ZFHX3: variants seen among roughly 807,000 people sequenced by gnomAD.
The protein encoded by ZFHX3 is zinc finger homeobox 3.
In ZFHX3, 42 loss-of-function variants were observed where a neutral mutation model predicts 279.1. The observed-to-expected ratio is 0.15, with a 90% CI of 0.12 to 0.19. The LOEUF (loss-of-function observed/expected upper bound fraction) is 0.19, where lower values mean the gene tolerates loss of function less well. Ranked by LOEUF, ZFHX3 falls within the 10% of genes least tolerant of loss-of-function variation. The probability of loss-of-function intolerance (pLI) is 1.00; values close to 1 mark genes in which losing one functional copy is unlikely to be tolerated. For missense variants in ZFHX3, 4,981 were observed against 4,754.0 expected (o/e 1.05, Z -1.40); for synonymous variants, 2,293 against 1,957.8 (o/e 1.17, Z -4.52).
At chr16:72,914,720 G>A (rs547106398) in intron 3 of ZFHX3, among the ~76,000 whole-genome samples, 2 of 152,184 alleles carry the variant, frequency 1.3e-5, no homozygotes, top group East Asian at 3.9e-4. Flanking sequence ...GGCTGGGTGC[G>A]GTGGCTCATG....
Position 72,957,438 on chromosome 16 carries a change from G to C in ZFHX3, c.2708C>G (p.Thr903Arg). The C allele has an allele frequency of 6.2e-7, 1 of 1,609,574 alleles. No individual in the cohort carries two copies. The highest frequency in any genetic ancestry group is 8.5e-7 in the Non-Finnish European group (1 of 1,177,476). ...GTAGTCATCCTCACCTAGAGCAGGC[G>C]TCATGGCGGCCATGGGCCCGGCGGG... ...LDPAGPMAAM[T>R]PALVGGEIPL... The change falls in exon 2 of 10, where the codon ACG becomes AGG. Residue 903 changes from threonine to arginine, a missense_variant. This residue lies in a region of ZFHX3 where 1,751 missense variants were observed against 1,770.0 expected (regional missense o/e 0.99). Coordinates refer to ENST00000268489, the MANE Select transcript of ZFHX3 (RefSeq NM_006885.4).
chr16:73,781,077 G>A (rs1959453536), intron 1 of ZFHX3, among the ~76,000 whole-genome samples: 1 of 152,160 alleles, frequency 6.6e-6, no homozygotes, highest in African/African-American at 2.4e-5. Context: ...CCATTTGCTT[G>A]GGAAGATGAG....
At position 73,298,320 on chromosome 16, in the gene ZFHX3, G is replaced by C. The variant is rs533437515; in HGVS notation, c.-1194+19920C>G. The stretch of plus-strand genomic sequence containing the variant: ...CTGCCTCAGCCTCCCGAGTAGCTGG[G>C]ATTACAGGTATGTGCCACCATGCCC... On this transcript the variant is annotated intron_variant, in intron 4 of 17. Transcript: ENST00000641206. 1.2e-3 allele frequency among the ~76,000 whole-genome samples: 180 copies of C among 151,868 alleles called. 1 individual carries two copies. Among genetic ancestry groups the C allele is most frequent in the Admixed American group, 3.6e-3 (55 of 15,258 alleles).
chr16:73,135,312 A>G (rs1723706985), intron 6 of ZFHX3, among the ~76,000 whole-genome samples: 1 of 152,210 alleles, frequency 6.6e-6, no homozygotes, highest in Non-Finnish European at 1.5e-5. Flanking sequence ...CACCAGCTCA[A>G]TATGTACAAA....
In ZFHX3 at chr16:72,879,672, C is replaced by A. The variant is rs963017006; in HGVS notation, c.3448+10059G>T. Among the ~76,000 whole-genome samples the A allele has an allele frequency of 2.0e-5, 3 of 152,158 alleles. No homozygotes were observed. The South Asian group carries it at 6.2e-4, about 32-fold the overall frequency. On this transcript the variant is annotated intron_variant, in intron 4 of 9. Transcript: ENST00000268489. ...AATACCTGAGCTCTAGTGATCCGCC[C>A]GCCTCGGCCTCCCAAAGTGCTGGAT...
intron 1 of ZFHX3, among the ~76,000 whole-genome samples, chr16:73,031,678 C>A (rs1023207240): frequency 2.6e-5 from 4 of 152,186 alleles, no homozygotes; most frequent in African/African-American, 9.7e-5. Context: ...TCAGAGCCAC[C>A]ACAGCAAACA....
At chr16:73,739,764 T>C (rs1420176670) in intron 1 of ZFHX3, among the ~76,000 whole-genome samples, 1 of 152,188 alleles carries the variant, frequency 6.6e-6, no homozygotes, top group Non-Finnish European at 1.5e-5. Flanking sequence ...ACTGCTGGTC[T>C]AGGCTGGTCC....
At chr16:72,792,177 C>T (rs2035730310) in intron 9 of ZFHX3, among the ~76,000 whole-genome samples, 2 of 152,108 alleles carry the variant, frequency 1.3e-5, no homozygotes, top group Admixed American at 1.3e-4. Context: ...GTAGGAAGAA[C>T]TGCAAAACTC....
At chr16:73,286,372 C>A (rs1016277070) in intron 4 of ZFHX3, among the ~76,000 whole-genome samples, 11 of 152,208 alleles carry the variant, frequency 7.2e-5, no homozygotes, top group Non-Finnish European at 1.0e-4. Context: ...TGGGCGGCCC[C>A]AAATTAGGGA....
intron 5 of ZFHX3, among the ~76,000 whole-genome samples, chr16:73,158,017 A>T (rs562419634): frequency 3.3e-5 from 5 of 152,322 alleles, no homozygotes; most frequent in African/African-American, 1.2e-4. Flanking sequence ...CAGGAAAAAA[A>T]AAATGAGACA....
chr16:72,829,447 G>T (rs1027235993), intron 5 of ZFHX3: 33 of 265,540 alleles, frequency 1.2e-4, no homozygotes, highest in Non-Finnish European at 2.0e-4. Flanking sequence ...GGGCATTTTG[G>T]TGAAGAGCCA....
At chr16:73,748,563 C>G (rs1318865847) in intron 1 of ZFHX3, among the ~76,000 whole-genome samples, 2 of 152,068 alleles carry the variant, frequency 1.3e-5, no homozygotes, top group African/African-American at 4.8e-5. Context: ...CATGCTATAC[C>G]CTCTGTTCAG....
chr16:73,001,199 G>A (rs992377163), intron 1 of ZFHX3, among the ~76,000 whole-genome samples: 2 of 152,206 alleles, frequency 1.3e-5, no homozygotes, highest in African/African-American at 2.4e-5. Flanking sequence ...GCCCCATTGT[G>A]AGCTGCTCTG....
Position 73,198,148 on chromosome 16 carries a change from A to G in ZFHX3, c.-1103-54317T>C, listed in dbSNP as rs531320092. On this transcript the variant is annotated intron_variant, in intron 5 of 17. Coordinates refer to the ZFHX3 transcript ENST00000641206. Reference sequence around the variant, plus strand: ...GAGGTGGGGTTTCACTGTGTTAGCCAGGATGGTCTCCATCTTCTGACCTAG... The same window carrying G: ...GAGGTGGGGTTTCACTGTGTTAGCCGGGATGGTCTCCATCTTCTGACCTAG... Among the ~76,000 whole-genome samples, 3 of 151,870 alleles carry G rather than the reference A, an allele frequency of 2.0e-5. No homozygotes were observed. The East Asian group carries it at 5.8e-4, about 30-fold the overall frequency.
At chr16:73,543,660 C>A (rs2020055573) in intron 2 of ZFHX3, among the ~76,000 whole-genome samples, 1 of 152,202 alleles carries the variant, frequency 6.6e-6, no homozygotes. Flanking sequence ...TGCCCTCTCA[C>A]CTCAGGGTCC....
chr16:72,933,590 C>T (rs896790609), intron 3 of ZFHX3, among the ~76,000 whole-genome samples: 2 of 152,140 alleles, frequency 1.3e-5, no homozygotes, highest in African/African-American at 4.8e-5. Flanking sequence ...ATGTGCCTTA[C>T]ATCTTTTATT....
At chr16:73,155,715 C>A (rs957478155) in intron 5 of ZFHX3, among the ~76,000 whole-genome samples, 7 of 151,930 alleles carry the variant, frequency 4.6e-5, no homozygotes, top group African/African-American at 1.7e-4. Flanking sequence ...CCCAGCTACT[C>A]GGGAGGCTGA....
At chr16:73,570,067 G>A (rs998876945) in intron 2 of ZFHX3, among the ~76,000 whole-genome samples, 1 of 151,974 alleles carries the variant, frequency 6.6e-6, no homozygotes, top group South Asian at 2.1e-4. Context: ...ACACTTCCCG[G>A]GTATACATTT....
intron 1 of ZFHX3, among the ~76,000 whole-genome samples, chr16:73,891,348 A>T (rs2030531504): frequency 6.6e-6 from 1 of 151,832 alleles, no homozygotes; most frequent in African/African-American, 2.4e-5. Context: ...ACACACATAC[A>T]CGTGTCAGCA....
Sources: allele counts gnomAD v4.1 joint callset (sites outside exome capture counted in the v4.1 genomes callset), GRCh38; gene constraint gnomAD v4.1.1; regional missense constraint gnomAD v4.1.1; transcripts MANE v1.5; gene names NCBI Gene and HGNC (gene_info 2026-07-23, HGNC 2026-07-21).